Variants in FCER1A observed in about 807,000 individuals in gnomAD.
FCER1A encodes the protein Fc epsilon receptor Ia.
Under a neutral mutation model 23.6 loss-of-function variants are expected in FCER1A, and 24 were observed. The ratio of observed to expected loss-of-function variants is 1.02; its 90% CI spans 0.74 to 1.43. The LOEUF is 1.43. FCER1A is among the 40% of genes most tolerant of loss of function. The probability of loss-of-function intolerance (pLI) is 0.00; values close to 1 mark genes in which losing one functional copy is unlikely to be tolerated. For synonymous variants in FCER1A, 121 were observed against 108.8 expected (o/e 1.11, Z -0.70); for missense variants, 318 against 294.5 (o/e 1.08, Z -0.58).
At chr1:159,285,698 A>G (rs938683488), upstream of FCER1A, among the ~76,000 whole-genome samples, 5 of 152,138 alleles carry the variant, frequency 3.3e-5, no homozygotes, top group Admixed American at 2.6e-4. Context: ...TATGTTACAA[A>G]TATTGCATGG....
chr1:159,295,669 G>A (rs113262456), intron 1 of FCER1A, among the ~76,000 whole-genome samples: 12 of 152,198 alleles, frequency 7.9e-5, no homozygotes, highest in African/African-American at 1.9e-4. Flanking sequence ...AGTGTTTCCC[G>A]TTTTGGAAGA....
At chr1:159,299,414 G>T (rs915140639), upstream of FCER1A, among the ~76,000 whole-genome samples, 1 of 152,122 alleles carries the variant, frequency 6.6e-6, no homozygotes, top group African/African-American at 2.4e-5. Context: ...TGCCAGGCAC[G>T]TCCCGAAACA....
intron 1 of FCER1A, among the ~76,000 whole-genome samples, chr1:159,290,125 C>G (rs1312036879): frequency 6.6e-6 from 1 of 152,164 alleles, no homozygotes; most frequent in African/African-American, 2.4e-5. Flanking sequence ...AAAAGAATGA[C>G]CTATTAACTT....
At chr1:159,306,791 G>A (rs1022557794) in intron 4 of FCER1A, among the ~76,000 whole-genome samples, 3 of 152,076 alleles carry the variant, frequency 2.0e-5, no homozygotes, top group African/African-American at 7.2e-5. Flanking sequence ...TGGCCTGTAA[G>A]AAAAACTGCT....
rs1381425787 is a variant in FCER1A at position 159,302,846 on chromosome 1, T to C, written c.56-8T>C. 2 of 1,613,490 alleles carry C rather than the reference T, an allele frequency of 1.2e-6. No individual in the cohort carries two copies. Among genetic ancestry groups the C allele is most frequent in the African/African-American group, 2.7e-5 (2 of 74,918 alleles). The stretch of plus-strand genomic sequence containing the variant: ...GGACACTAATGTATCCTCTCTGGAC[T>C]TTTGCAGCTCCAGATGGCGTGTTAG... On this transcript the variant is annotated splice_region_variant and splice_polypyrimidine_tract_variant and intron_variant, in intron 1 of 4. Coordinates refer to ENST00000693622, the MANE Select transcript of FCER1A (RefSeq NM_001387280.1).
intron 1 of FCER1A, among the ~76,000 whole-genome samples, chr1:159,293,662 T>C (rs1451750420): frequency 1.3e-5 from 2 of 151,016 alleles, no homozygotes; most frequent in African/African-American, 4.9e-5. Flanking sequence ...TTTGTTCTTG[T>C]GATAGTTTAC....
At chr1:159,288,925 G>A (rs181992285), upstream of FCER1A, among the ~76,000 whole-genome samples, 3 of 152,248 alleles carry the variant, frequency 2.0e-5, no homozygotes, top group Admixed American at 1.3e-4. Context: ...AGGGGTTCGG[G>A]CTTCTCAATC....
rs758427988 is a variant in FCER1A, at chr1:159,307,810, G to C, written c.652G>C (p.Val218Leu). 1.9e-6 allele frequency: 3 copies of C among 1,613,160 alleles called. No homozygotes were observed. In the East Asian group the frequency reaches 6.7e-5, roughly 36 times the overall value. ...ATTGTTGGTGGTGATTCTGTTTGCT[G>C]TGGACACAGGATTATTTATCTCAAC... ...IPLLVVILFAVDTGLFISTQQ... is the reference protein window; with the variant it reads ...IPLLVVILFALDTGLFISTQQ... The change falls in exon 5 of 5, where the codon GTG becomes CTG. Residue 218 changes from valine (V) to leucine (L), a missense_variant. By Grantham distance (32) the Val-to-Leu change is conservative. Transcript: ENST00000693622.
intron 1 of FCER1A, among the ~76,000 whole-genome samples, chr1:159,293,605 C>T (rs1260828354): frequency 7.3e-6 from 1 of 137,726 alleles, no homozygotes; most frequent in Non-Finnish European, 1.5e-5. Context: ...CATGTGTTCT[C>T]ATTGTTCAAT....
Position 159,296,750 on chromosome 1 carries a change from A to G in FCER1A, c.-59-5556A>G, listed in dbSNP as rs1356133241. ...CTAATGCTACAAATGTCTCCTGTAT[A>G]CTCATCATTGAAACAAGCAACCCTC... On this transcript the variant is annotated intron_variant, in intron 1 of 5. Coordinates refer to the FCER1A transcript ENST00000368115. 2.0e-5 allele frequency among the ~76,000 whole-genome samples: 3 copies of G among 152,140 alleles called. No homozygotes were observed. In the East Asian group the frequency reaches 5.8e-4, roughly 29 times the overall value.
upstream of FCER1A, among the ~76,000 whole-genome samples, chr1:159,285,329 A>G (rs916497054): frequency 1.2e-4 from 18 of 152,354 alleles, no homozygotes; most frequent in African/African-American, 3.8e-4. Context: ...TTAAAAAGCC[A>G]GGTCAAAATC....
chr1:159,308,083 A>C lies in FCER1A; in HGVS notation c.*151A>C, dbSNP rs1008365386. On this transcript the variant is annotated 3_prime_UTR_variant, in exon 5 of 5. Coordinates refer to ENST00000693622, the MANE Select transcript of FCER1A (RefSeq NM_001387280.1). ...TCATTAAACTGAGTGAAACTGGTTAAGTGGCATGTAATAGTAAGTGCTCAA... is the reference window on the plus strand; with the variant it reads ...TCATTAAACTGAGTGAAACTGGTTACGTGGCATGTAATAGTAAGTGCTCAA... The C allele has an allele frequency of 2.3e-5, 12 of 531,800 alleles. No homozygotes were observed. In the South Asian group the frequency reaches 4.2e-4, roughly 19 times the overall value. 32.9% of individuals were successfully genotyped at this position (531,800 alleles called of 1,614,324 possible).
chr1:159,286,612 G>A (rs867447797), upstream of FCER1A, among the ~76,000 whole-genome samples: 43 of 152,322 alleles, frequency 2.8e-4, 2 homozygotes, highest in African/African-American at 9.1e-4. Flanking sequence ...GATTACAGGC[G>A]TAAGCCATCG....
chr1:159,291,460 G>A (rs1652151536), intron 1 of FCER1A, among the ~76,000 whole-genome samples: 1 of 152,034 alleles, frequency 6.6e-6, no homozygotes, highest in African/African-American at 2.4e-5. Context: ...GTTAGTTTTA[G>A]TTATTTTTGC....
intron 1 of FCER1A, 141 bp downstream of exon 1, chr1:159,302,560 G>A (rs1012395110): frequency 2.7e-6 from 2 of 739,362 alleles, no homozygotes; most frequent in African/African-American, 1.7e-5. Context: ...CTCTGTAGTG[G>A]AGCCAAGCTA....
chr1:159,301,257 A>T (rs1557968863), upstream of FCER1A, among the ~76,000 whole-genome samples: 1 of 152,214 alleles, frequency 6.6e-6, no homozygotes, highest in Non-Finnish European at 1.5e-5. Context: ...ATTTAAAAGC[A>T]ATCTTTGCAA....
chr1:159,303,345 C>T (rs1312489668), intron 2 of FCER1A, among the ~76,000 whole-genome samples: 1 of 152,152 alleles, frequency 6.6e-6, no homozygotes, highest in Admixed American at 6.5e-5. Context: ...TTCAAATTTG[C>T]ACTACATCCC....
At chr1:159,299,467 A>T (rs1163673291), upstream of FCER1A, among the ~76,000 whole-genome samples, 1 of 152,174 alleles carries the variant, frequency 6.6e-6, no homozygotes, top group Non-Finnish European at 1.5e-5. Context: ...ATCCAGTTGC[A>T]GGGGCACCTC....
chr1:159,295,489 A>C (rs959422162), intron 1 of FCER1A, among the ~76,000 whole-genome samples: 1 of 152,310 alleles, frequency 6.6e-6, no homozygotes, highest in East Asian at 1.9e-4. Flanking sequence ...CAAATTTTCT[A>C]ATTAAAAAAC....
Sources: allele counts gnomAD v4.1 joint callset (sites outside exome capture counted in the v4.1 genomes callset), GRCh38; gene constraint gnomAD v4.1.1; transcripts MANE v1.5; gene names NCBI Gene and HGNC (gene_info 2026-07-23, HGNC 2026-07-21).